PDE11A: variants seen among roughly 807,000 people sequenced by gnomAD.
PDE11A encodes the protein phosphodiesterase 11A.
Under a neutral mutation model 100.5 loss-of-function variants are expected in PDE11A, and 100 were observed. That is an observed-to-expected ratio of 1.00 (90% CI 0.85 to 1.18). The LOEUF is 1.18. Ranked by LOEUF, PDE11A falls within the 50% of genes most tolerant of loss-of-function variation. The pLI is 0.00. For synonymous variants in PDE11A, 381 were observed against 420.8 expected (o/e 0.91, Z 1.16); for missense variants, 1,141 against 1,152.6 (o/e 0.99, Z 0.15).
intron 18 of PDE11A, 126 bp from the exon 19 acceptor site, chr2:177,664,075 A>G (rs2080531639): frequency 2.9e-6 from 2 of 679,524 alleles, no homozygotes; most frequent in Non-Finnish European, 2.7e-6. Context: ...ATCACAATCA[A>G]TCTTTACACA....
intron 2 of PDE11A, among the ~76,000 whole-genome samples, chr2:177,977,744 T>C (rs1274676211): frequency 2.3e-3 from 318 of 138,756 alleles, no homozygotes; most frequent in South Asian, 3.5e-3. Context: ...AACAGAGATA[T>C]AGATCAATGG....
chr2:177,826,948 C>G (rs931635414), intron 6 of PDE11A, among the ~76,000 whole-genome samples: 6 of 152,158 alleles, frequency 3.9e-5, no homozygotes, highest in African/African-American at 1.4e-4. Context: ...CTTAATGTTT[C>G]CAATTTTGCA....
chr2:177,962,248 A>G (rs1006767944), intron 2 of PDE11A, among the ~76,000 whole-genome samples: 4 of 152,068 alleles, frequency 2.6e-5, no homozygotes, highest in African/African-American at 9.7e-5. Flanking sequence ...AAGGTCATAT[A>G]TTATACTTCA....
intron 2 of PDE11A, among the ~76,000 whole-genome samples, chr2:177,910,912 G>T (rs1313953494): frequency 6.6e-6 from 1 of 152,110 alleles, no homozygotes; most frequent in African/African-American, 2.4e-5. Flanking sequence ...AATGCCGGGG[G>T]TCTACACTGG....
Position 178,005,593 on chromosome 2 carries a change from T to A in PDE11A, c.1071+8709A>T, listed in dbSNP as rs559974533. On this transcript the variant is annotated intron_variant, in intron 2 of 19. Coordinates refer to ENST00000286063, the MANE Select transcript of PDE11A (RefSeq NM_016953.4). Reference sequence around the variant, plus strand: ...AATGTAAACTCTGAGAGGGCAAGAATTTTTGTCTGCCTAATTCATCAGTTT... The same window carrying A: ...AATGTAAACTCTGAGAGGGCAAGAAATTTTGTCTGCCTAATTCATCAGTTT... Among the ~76,000 whole-genome samples, 25 of 152,334 alleles carry A rather than the reference T, an allele frequency of 1.6e-4. 1 individual carries two copies. In the Middle Eastern group the frequency reaches 0.014, roughly 83 times the overall value.
At chr2:177,663,384 G>A (rs375099332) in intron 19 of PDE11A, among the ~76,000 whole-genome samples, 3 of 151,464 alleles carry the variant, frequency 2.0e-5, no homozygotes, top group Non-Finnish European at 2.9e-5. Context: ...GGTCAGAGCC[G>A]AACACCATGT....
At chr2:178,027,240 T>C (rs956789451) in intron 1 of PDE11A, among the ~76,000 whole-genome samples, 1 of 152,110 alleles carries the variant, frequency 6.6e-6, no homozygotes, top group African/African-American at 2.4e-5. Flanking sequence ...CAAGAGGAAA[T>C]GGATTATATT....
At chr2:177,634,376 CT>C (rs1250175298) in intron 19 of PDE11A, among the ~76,000 whole-genome samples, 2 of 131,230 alleles carry the variant, frequency 1.5e-5, no homozygotes, top group Non-Finnish European at 3.1e-5. Context: ...TGAAAACTTA[CT>C]TTTTCTCTCT....
chr2:177,700,328 T>C (rs2081178209), intron 14 of PDE11A, among the ~76,000 whole-genome samples: 1 of 149,860 alleles, frequency 6.7e-6, no homozygotes, highest in Admixed American at 6.6e-5. Context: ...TTAATGATGA[T>C]AATAATAATA....
chr2:177,908,031 T>C (rs2084818812), intron 2 of PDE11A, among the ~76,000 whole-genome samples: 1 of 152,236 alleles, frequency 6.6e-6, no homozygotes, highest in Admixed American at 6.5e-5. Context: ...TCAGACTCTT[T>C]ACAAATCTTA....
chr2:177,928,734 A>G (rs2085165770), intron 2 of PDE11A, among the ~76,000 whole-genome samples: 1 of 152,122 alleles, frequency 6.6e-6, no homozygotes, highest in South Asian at 2.1e-4. Flanking sequence ...GTGGTGGCAC[A>G]TGCCTGTGGT....
chr2:177,685,687 C>A (rs948118360), intron 15 of PDE11A, among the ~76,000 whole-genome samples: 5 of 152,112 alleles, frequency 3.3e-5, no homozygotes, highest in Non-Finnish European at 7.4e-5. Context: ...TCTGCCTCAG[C>A]CTCCCAAGTA....
chr2:177,676,445 C>T (rs565503403), intron 16 of PDE11A, among the ~76,000 whole-genome samples: 55 of 152,306 alleles, frequency 3.6e-4, no homozygotes, highest in African/African-American at 9.4e-4. Flanking sequence ...GTCCTGATGT[C>T]GGTGTTAACA....
At chr2:177,828,050 C>A (rs2083254355) in intron 6 of PDE11A, among the ~76,000 whole-genome samples, 1 of 152,064 alleles carries the variant, frequency 6.6e-6, no homozygotes, top group African/African-American at 2.4e-5. Flanking sequence ...TAAGAAGACT[C>A]AAAATAACCT....
At chr2:178,071,490 G>A (rs2087128875) in intron 1 of PDE11A, 36 bp downstream of exon 1, 1 of 1,612,442 alleles carries the variant, frequency 6.2e-7, no homozygotes, top group Non-Finnish European at 8.5e-7. Flanking sequence ...CCAAGCCAAT[G>A]GGGCTCTGGG....
intron 2 of PDE11A, among the ~76,000 whole-genome samples, chr2:178,078,418 T>A (rs951563026): frequency 6.6e-6 from 1 of 151,960 alleles, no homozygotes; most frequent in Admixed American, 6.6e-5. Context: ...TAGTCTTTTA[T>A]CTCTTCTTCT....
At chr2:177,676,804 TA>T (rs2080782780) in intron 16 of PDE11A, among the ~76,000 whole-genome samples, 1 of 152,250 alleles carries the variant, frequency 6.6e-6, no homozygotes, top group African/African-American at 2.4e-5. Flanking sequence ...AACTGCTAAC[TA>T]AACTACTAAC....
chr2:177,776,150 C>A (rs1434286065), intron 9 of PDE11A, among the ~76,000 whole-genome samples: 25 of 152,004 alleles, frequency 1.6e-4, no homozygotes, highest in Non-Finnish European at 3.1e-4. Context: ...ATAAAGTAAG[C>A]AATGTAGGTA....
chr2:178,027,014 G>A (rs1021417320), intron 1 of PDE11A, among the ~76,000 whole-genome samples: 1 of 152,036 alleles, frequency 6.6e-6, no homozygotes, highest in Non-Finnish European at 1.5e-5. Flanking sequence ...AAATACTATA[G>A]TATTAATCAT....
Sources: allele counts gnomAD v4.1 joint callset (sites outside exome capture counted in the v4.1 genomes callset), GRCh38; gene constraint gnomAD v4.1.1; transcripts MANE v1.5; gene names NCBI Gene and HGNC (gene_info 2026-07-23, HGNC 2026-07-21).